Variants in EFCAB5 observed in about 807,000 individuals in gnomAD.
The protein encoded by EFCAB5 is EF-hand calcium-binding domain-containing protein 5.
In EFCAB5, 131 loss-of-function variants were observed where a neutral mutation model predicts 167.9. The ratio of observed to expected loss-of-function variants is 0.78; its 90% confidence interval spans 0.68 to 0.90. The LOEUF (loss-of-function observed/expected upper bound fraction) is 0.90. Ranked by LOEUF, EFCAB5 falls within the 40% of genes least tolerant of loss-of-function variation. The probability of loss-of-function intolerance (pLI) is 0.00; values close to 1 mark genes in which losing one functional copy is unlikely to be tolerated. For synonymous variants in EFCAB5, 574 were observed against 602.8 expected (o/e 0.95, Z 0.70); for missense variants, 1,663 against 1,745.2 (o/e 0.95, Z 0.84).
intron 15 of EFCAB5, among the ~76,000 whole-genome samples, chr17:30,079,293 AGAGAAATCTC>A: frequency 6.6e-6 from 1 of 152,330 alleles, no homozygotes; most frequent in South Asian, 2.1e-4. Flanking sequence ...TGGTATCCTA[AGAGAAATCTC>A]GCTACATATT....
intron 3 of EFCAB5, 35 bp from the exon 4 acceptor site, chr17:29,968,756 A>G (rs1334824435): frequency 7.0e-7 from 1 of 1,418,932 alleles, no homozygotes. Flanking sequence ...ATTTACTTCT[A>G]ACATTTCTTA....
chr17:30,050,969 T>C (rs1050583237), intron 8 of EFCAB5, 149 bp from the exon 9 acceptor site: 3 of 658,284 alleles, frequency 4.6e-6, no homozygotes. Flanking sequence ...AGATATAACT[T>C]TCTTGATTTT....
intron 6 of EFCAB5, among the ~76,000 whole-genome samples, chr17:29,998,890 C>A (rs1280312666): frequency 6.6e-6 from 1 of 152,132 alleles, no homozygotes; most frequent in Non-Finnish European, 1.5e-5. Flanking sequence ...ATTGTCATAT[C>A]AAATGAAGGT....
intron 10 of EFCAB5, among the ~76,000 whole-genome samples, chr17:30,055,505 T>A (rs1201414321): frequency 1.3e-5 from 2 of 152,208 alleles, no homozygotes; most frequent in African/African-American, 4.8e-5. Flanking sequence ...TTCATGCTAC[T>A]TTTTCTGTCA....
Position 30,108,031 on chromosome 17 carries a change from A to G in EFCAB5, c.*7A>G. 1 of 1,601,982 alleles carries G rather than the reference A, an allele frequency of 6.2e-7. No individual in the cohort carries two copies. Among genetic ancestry groups the G allele is most frequent in the Non-Finnish European group, 8.5e-7 (1 of 1,176,652 alleles). On this transcript the variant is annotated 3_prime_UTR_variant, in exon 23 of 23. Coordinates refer to ENST00000394835, the MANE Select transcript of EFCAB5 (RefSeq NM_198529.4). ...AGGTTTGCAAGAGAAGTGATAATGG[A>G]TGATAATGGAATTGATACTGTATTT...
intron 3 of EFCAB5, among the ~76,000 whole-genome samples, chr17:29,958,089 T>C (rs2067652630): frequency 6.6e-6 from 1 of 152,228 alleles, no homozygotes; most frequent in Non-Finnish European, 1.5e-5. Context: ...AGGATTTTGC[T>C]TCAATGTTCA....
At chr17:29,972,792 T>G (rs1036401186) in intron 4 of EFCAB5, 4 of 222,488 alleles carry the variant, frequency 1.8e-5, no homozygotes, top group African/African-American at 9.2e-5. Flanking sequence ...TACCCAGCCC[T>G]CCTTAGCTAT....
chr17:30,063,450 T>A (rs2070478457), intron 14 of EFCAB5, among the ~76,000 whole-genome samples: 1 of 152,152 alleles, frequency 6.6e-6, no homozygotes, highest in Non-Finnish European at 1.5e-5. Context: ...GCAAGTTTTC[T>A]CTCTGGAGTC....
intron 14 of EFCAB5, chr17:30,069,575 C>T: frequency 1.9e-6 from 3 of 1,613,302 alleles, no homozygotes; most frequent in Non-Finnish European, 1.7e-6. Context: ...CGTATGGATC[C>T]TCTTCTTCCT....
intron 14 of EFCAB5, among the ~76,000 whole-genome samples, chr17:30,071,544 G>A (rs1347697705): frequency 2.0e-5 from 3 of 152,012 alleles, no homozygotes; most frequent in Admixed American, 6.5e-5. Context: ...CTTATACCTT[G>A]TTGGTGGGAT....
chr17:30,092,046 G>T lies in EFCAB5; in HGVS notation c.4113G>T (p.Glu1371Asp). 1 of 1,613,982 alleles carries T rather than the reference G, an allele frequency of 6.2e-7. No homozygotes were observed. The highest frequency in any genetic ancestry group is 8.5e-7 in the Non-Finnish European group (1 of 1,179,882). Residue 1371 changes from glutamate (E) to aspartate (D), a missense_variant, in exon 21 of 23, where the codon GAG becomes GAT. Coordinates refer to ENST00000394835, the MANE Select transcript of EFCAB5 (RefSeq NM_198529.4). The part of the protein sequence containing the change: ...PNSPQDSKSM[E>D]LEANVKLVRD... ...CTCCTCAAGACAGCAAATCTATGGA[G>T]TTGGAAGCCAACGTGAAACTAGTGC... is the stretch of plus-strand genomic sequence containing the variant.
intron 7 of EFCAB5, among the ~76,000 whole-genome samples, chr17:30,032,535 G>A (rs941841062): frequency 6.6e-6 from 1 of 152,194 alleles, no homozygotes; most frequent in Admixed American, 6.5e-5. Context: ...TGTCCTCCCT[G>A]TATCAGGAGA....
intron 1 of EFCAB5, chr17:29,930,279 G>A (rs910170989): frequency 1.2e-5 from 6 of 489,984 alleles, no homozygotes; most frequent in Non-Finnish European, 2.2e-5. Flanking sequence ...CTCTCCCCTC[G>A]GCGCGCGCCG....
At position 30,080,226 on chromosome 17, in the gene EFCAB5, A is replaced by T; in HGVS notation, c.3182A>T (p.Asp1061Val). Residue 1061 changes from aspartate (D) to valine (V), a missense_variant, in exon 16 of 23, where the codon GAC becomes GTC. Asp to Val is a radical substitution (Grantham distance 152). Coordinates refer to ENST00000394835, the MANE Select transcript of EFCAB5 (RefSeq NM_198529.4). Reference protein sequence around the residue: ...QFVLNRVLYRDMKGISFTVVD... With the variant: ...QFVLNRVLYRVMKGISFTVVD... Reference sequence around the variant, plus strand: ...GTACTGAACAGAGTGCTCTACAGGGACATGAAAGGAATCAGGTAAGAACTT... The same window carrying T: ...GTACTGAACAGAGTGCTCTACAGGGTCATGAAAGGAATCAGGTAAGAACTT... 6.3e-7 allele frequency: 1 copy of T among 1,586,466 alleles called. No homozygotes were observed. The highest frequency in any genetic ancestry group is 8.5e-7 in the Non-Finnish European group (1 of 1,171,766).
chr17:30,001,797 T>C (rs1427956552), intron 7 of EFCAB5, among the ~76,000 whole-genome samples: 1 of 152,222 alleles, frequency 6.6e-6, no homozygotes, highest in Non-Finnish European at 1.5e-5. Context: ...TAGCTAACAC[T>C]TTTGACTCCT....
chr17:29,994,133 AATATATAT>A (rs55875315), intron 5 of EFCAB5, among the ~76,000 whole-genome samples: 2,934 of 55,802 alleles, frequency 0.053, 90 homozygotes, highest in African/African-American at 0.093. Context: ...AACAACAACA[AATATATAT>A]ATATATATAT....
intron 3 of EFCAB5, among the ~76,000 whole-genome samples, chr17:29,944,719 G>T (rs1220243536): frequency 2.0e-5 from 3 of 151,534 alleles, no homozygotes; most frequent in Admixed American, 6.6e-5. Context: ...AGCCTCCCGG[G>T]TTCAAGCGAT....
At chr17:29,969,395 G>A in intron 4 of EFCAB5, 28 bp downstream of exon 4, 1 of 1,510,876 alleles carries the variant, frequency 6.6e-7, no homozygotes, top group Non-Finnish European at 8.9e-7. Context: ...TTCAGTTCAT[G>A]ATCTGTCTCC....
intron 7 of EFCAB5, among the ~76,000 whole-genome samples, chr17:30,022,787 G>A (rs1306270659): frequency 6.6e-6 from 1 of 151,776 alleles, no homozygotes; most frequent in Non-Finnish European, 1.5e-5. Context: ...TAAATTATCA[G>A]AACACTAGCA....
Sources: allele counts gnomAD v4.1 joint callset (sites outside exome capture counted in the v4.1 genomes callset), GRCh38; gene constraint gnomAD v4.1.1; transcripts MANE v1.5; gene names NCBI Gene and HGNC (gene_info 2026-07-23, HGNC 2026-07-21).